The following AFF3 variants were observed in gnomAD, a reference collection of about 807,000 sequenced individuals.
AFF3 encodes the protein ALF transcription elongation factor 3, also known as AF4/FMR2 family member 3.
A neutral mutation model predicts 129.7 loss-of-function variants in AFF3; 32 were observed. The observed-to-expected ratio is 0.25, with a 90% CI of 0.19 to 0.33. AFF3 has a LOEUF of 0.33. Among genes scored for constraint, AFF3 ranks in the 10% least tolerant of loss-of-function variants. The pLI, the probability that AFF3 is intolerant of heterozygous loss-of-function variation, is 1.00. For synonymous variants in AFF3, 644 were observed against 635.4 expected (o/e 1.01, Z -0.20); for missense variants, 1,373 against 1,592.0 (o/e 0.86, Z 2.34).
chr2:99,937,745 C>T (rs1216267907), intron 7 of AFF3, among the ~76,000 whole-genome samples: 2 of 152,140 alleles, frequency 1.3e-5, no homozygotes, highest in Non-Finnish European at 2.9e-5. Flanking sequence ...AATAGAATAA[C>T]AGACTTTGCT....
chr2:99,570,498 G>A (rs576940581), intron 18 of AFF3, among the ~76,000 whole-genome samples: 252 of 152,172 alleles, frequency 1.7e-3, no homozygotes, highest in Non-Finnish European at 2.9e-3. Flanking sequence ...CACTATGCCT[G>A]GCTAACTTTT....
intron 18 of AFF3, among the ~76,000 whole-genome samples, chr2:99,575,617 G>C (rs1676919811): frequency 2.0e-5 from 3 of 152,218 alleles, no homozygotes; most frequent in African/African-American, 7.2e-5. Flanking sequence ...TTCGATGGTT[G>C]AGTGGCTGTT....
chr2:99,602,982 A>G (rs898347939), intron 13 of AFF3, among the ~76,000 whole-genome samples: 1 of 152,224 alleles, frequency 6.6e-6, no homozygotes, highest in African/African-American at 2.4e-5. Flanking sequence ...GGGGAACCAG[A>G]GTGTGAACAT....
chr2:99,979,341 T>A (rs1361755897), intron 7 of AFF3, among the ~76,000 whole-genome samples: 1 of 152,140 alleles, frequency 6.6e-6, no homozygotes, highest in Non-Finnish European at 1.5e-5. Flanking sequence ...GTAAGAAGGC[T>A]GATCCAAAGC....
intron 24 of AFF3, among the ~76,000 whole-genome samples, chr2:99,552,546 C>G (rs1023101378): frequency 3.9e-5 from 6 of 152,214 alleles, no homozygotes; most frequent in African/African-American, 1.2e-4. Flanking sequence ...ACTCTACTGT[C>G]ATGGCTGGTC....
intron 8 of AFF3, among the ~76,000 whole-genome samples, chr2:99,826,878 G>A (rs1485950621): frequency 2.6e-5 from 4 of 151,618 alleles, no homozygotes; most frequent in Non-Finnish European, 5.9e-5. Context: ...GGGCTGGCAA[G>A]CAGGTCTCTG....
intron 4 of AFF3, among the ~76,000 whole-genome samples, chr2:100,011,790 T>C (rs563157001): frequency 4.6e-5 from 7 of 152,256 alleles, no homozygotes; most frequent in African/African-American, 1.7e-4. Flanking sequence ...TATTTTTCAG[T>C]GTGGCTTAAA....
intron 11 of AFF3, among the ~76,000 whole-genome samples, chr2:99,694,432 T>C (rs368676457): frequency 2.0e-5 from 3 of 151,724 alleles, no homozygotes; most frequent in Non-Finnish European, 2.9e-5. Flanking sequence ...TAGACATGAG[T>C]GAGGGTGCTG....
intron 13 of AFF3, among the ~76,000 whole-genome samples, chr2:99,617,138 G>A (rs762927296): frequency 5.9e-5 from 9 of 152,168 alleles, no homozygotes; most frequent in African/African-American, 4.8e-5. Flanking sequence ...AGTTTTGTGC[G>A]AACATACGTT....
intron 11 of AFF3, among the ~76,000 whole-genome samples, chr2:99,697,183 G>A (rs1003722534): frequency 3.3e-5 from 5 of 152,220 alleles, no homozygotes; most frequent in African/African-American, 7.2e-5. Flanking sequence ...GAAAGCTGGC[G>A]AGGGCGTGTT....
chr2:99,600,434 A>G (rs1344437616), intron 14 of AFF3, among the ~76,000 whole-genome samples: 20 of 152,160 alleles, frequency 1.3e-4, no homozygotes, highest in Non-Finnish European at 2.8e-4. Flanking sequence ...TTCAGGTGTG[A>G]TAACATCCAA....
intron 7 of AFF3, among the ~76,000 whole-genome samples, chr2:99,997,476 C>G (rs1297452161): frequency 4.0e-5 from 2 of 49,686 alleles, no homozygotes; most frequent in East Asian, 1.6e-3. Context: ...GCAACTATCA[C>G]CCCCCCCCCA....
intron 11 of AFF3, among the ~76,000 whole-genome samples, chr2:99,688,660 G>A (rs1224272647): frequency 1.3e-5 from 2 of 152,022 alleles, no homozygotes; most frequent in African/African-American, 4.8e-5. Context: ...ACCCTTCAGA[G>A]CTGCTGTCAC....
chr2:99,670,500 A>G (rs1183522562), intron 12 of AFF3, among the ~76,000 whole-genome samples: 4 of 150,962 alleles, frequency 2.6e-5, no homozygotes, highest in Non-Finnish European at 5.9e-5. Context: ...TAAATGTTCA[A>G]TTATCTCAGA....
At chr2:99,730,677 G>A (rs1679753902) in intron 10 of AFF3, among the ~76,000 whole-genome samples, 1 of 151,812 alleles carries the variant, frequency 6.6e-6, no homozygotes, top group Admixed American at 6.6e-5. Flanking sequence ...ACCATGCCCG[G>A]CTAATGTTTT....
rs373497485 is a variant in AFF3, at chr2:99,786,682, T to TA, written c.922-34382dup. Among the ~76,000 whole-genome samples the TA allele has an allele frequency of 4.3e-3, 645 of 149,666 alleles. 3 individuals are homozygous for TA. Among genetic ancestry groups the TA allele is most frequent in the African/African-American group, 0.014 (583 of 40,794 alleles). On this transcript the variant is annotated intron_variant, in intron 8 of 24. Transcript: ENST00000672756. ...GCCGTAGTGCTATAAAGTTGCATAG[T>TA]AAAAAAAAAATAAACTATAACTTCA...
intron 7 of AFF3, among the ~76,000 whole-genome samples, chr2:99,875,684 T>C (rs1284736571): frequency 2.6e-5 from 4 of 152,136 alleles, no homozygotes; most frequent in Non-Finnish European, 4.4e-5. Context: ...TGAATGACAA[T>C]ATGTGAATGA....
intron 7 of AFF3, among the ~76,000 whole-genome samples, chr2:99,899,951 T>C (rs2106136710): frequency 6.6e-6 from 1 of 152,282 alleles, no homozygotes; most frequent in South Asian, 2.1e-4. Context: ...CACTCTGAAG[T>C]GGCTTTTTAG....
intron 4 of AFF3, among the ~76,000 whole-genome samples, chr2:100,042,172 C>T (rs961689985): frequency 6.6e-6 from 1 of 152,106 alleles, no homozygotes; most frequent in Non-Finnish European, 1.5e-5. Context: ...CCCTTGTCCC[C>T]GCTGTTTTCT....
Sources: allele counts gnomAD v4.1 joint callset (sites outside exome capture counted in the v4.1 genomes callset), GRCh38; gene constraint gnomAD v4.1.1; transcripts MANE v1.5; gene names NCBI Gene and HGNC (gene_info 2026-07-23, HGNC 2026-07-21).